Variants in PPP2R2A observed in about 807,000 individuals in gnomAD.
The protein encoded by PPP2R2A is serine/threonine-protein phosphatase 2A 55 kDa regulatory subunit B alpha isoform.
A neutral mutation model predicts 53.2 loss-of-function variants in PPP2R2A; 9 were observed. The observed-to-expected ratio is 0.17, with a 90% confidence interval of 0.10 to 0.30. The LOEUF is 0.30. Among genes scored for constraint, PPP2R2A ranks in the 10% least tolerant of loss-of-function variants. The pLI is 1.00. For synonymous variants in PPP2R2A, 169 were observed against 174.2 expected (o/e 0.97, Z 0.23); for missense variants, 235 against 534.6 (o/e 0.44, Z 5.53).
At chr8:26,337,239 A>G (rs1374011582) in intron 2 of PPP2R2A, among the ~76,000 whole-genome samples, 1 of 152,158 alleles carries the variant, frequency 6.6e-6, no homozygotes, top group Non-Finnish European at 1.5e-5. Context: ...TAACTAGTTC[A>G]TTTGATGGTT....
intron 3 of PPP2R2A, among the ~76,000 whole-genome samples, chr8:26,353,927 T>C (rs1804643427): frequency 6.6e-6 from 1 of 152,138 alleles, no homozygotes; most frequent in Non-Finnish European, 1.5e-5. Context: ...AGGGGTCAAA[T>C]GGTATCCCTT....
chr8:26,295,449 A>C (rs957402523), intron 2 of PPP2R2A, among the ~76,000 whole-genome samples: 5 of 152,366 alleles, frequency 3.3e-5, no homozygotes, highest in African/African-American at 1.2e-4. Flanking sequence ...AAGCAAAGAA[A>C]GCAACTTATA....
At chr8:26,349,171 T>A (rs545358229) in intron 3 of PPP2R2A, among the ~76,000 whole-genome samples, 1 of 152,330 alleles carries the variant, frequency 6.6e-6, no homozygotes, top group African/African-American at 2.4e-5. Flanking sequence ...ATGGTCATTA[T>A]CACATTTTTA....
chr8:26,335,400 G>C (rs1415422861), intron 2 of PPP2R2A, among the ~76,000 whole-genome samples: 1 of 152,144 alleles, frequency 6.6e-6, no homozygotes, highest in South Asian at 2.1e-4. Context: ...ACACCATGAC[G>C]TAGTGATATA....
intron 3 of PPP2R2A, among the ~76,000 whole-genome samples, chr8:26,340,918 G>A (rs1018451611): frequency 1.3e-5 from 2 of 151,894 alleles, no homozygotes; most frequent in African/African-American, 2.4e-5. Context: ...ATCATTTCCC[G>A]TGATTCTTTT....
intron 4 of PPP2R2A, among the ~76,000 whole-genome samples, chr8:26,355,216 A>G (rs955217802): frequency 3.3e-5 from 5 of 152,176 alleles, no homozygotes; most frequent in African/African-American, 9.7e-5. Context: ...CCAGCAATCC[A>G]CATGGCTGGA....
At chr8:26,308,780 C>T (rs986492055) in intron 2 of PPP2R2A, among the ~76,000 whole-genome samples, 2 of 152,172 alleles carry the variant, frequency 1.3e-5, no homozygotes, top group African/African-American at 4.8e-5. Flanking sequence ...ATGTTGAATT[C>T]TTTCCAGGAG....
chr8:26,362,685 C>T lies in PPP2R2A; in HGVS notation c.639C>T (p.Asn213=), dbSNP rs2117411845. ...WHLEITDRSF[N]IVDIKPANME... The stretch of plus-strand genomic sequence containing the variant: ...ATTCCTTAATAAAATGTTATCTAGA[C>T]ATTGTGGATATCAAGCCTGCCAATA... The change falls in exon 7 of 10, where the codon AAC becomes AAT. Residue 213 remains asparagine, a splice_region_variant and synonymous_variant. Transcript: ENST00000380737. The surrounding 1 kb of genome is among the most constrained non-coding windows in gnomAD (Gnocchi z 4.4). 1 of 1,613,350 alleles carries T rather than the reference C, an allele frequency of 6.2e-7. No homozygotes were observed. The highest frequency in any genetic ancestry group is 8.5e-7 in the Non-Finnish European group (1 of 1,179,546).
intron 3 of PPP2R2A, chr8:26,350,645 A>T (rs1009632526): frequency 6.6e-6 from 1 of 151,688 alleles, no homozygotes; most frequent in Admixed American, 6.6e-5. Flanking sequence ...ACCTCAAGCA[A>T]TCCTCTGTCT....
chr8:26,308,211 CTTGATG>C (rs1382962401), intron 2 of PPP2R2A, among the ~76,000 whole-genome samples: 1 of 152,214 alleles, frequency 6.6e-6, no homozygotes, highest in Non-Finnish European at 1.5e-5. Flanking sequence ...AGGATCTTAT[CTTGATG>C]TTGATGGCTG....
Position 26,291,751 on chromosome 8 carries a change from G to C in PPP2R2A, c.-69G>C. 3 of 1,402,984 alleles carry C rather than the reference G, an allele frequency of 2.1e-6. No homozygotes were observed. The highest frequency in any genetic ancestry group is 2.0e-5 in the Admixed American group (1 of 49,358). The allele number at this position is 1,402,984 out of a possible 1,614,324, so 86.9% of individuals were successfully genotyped here. On this transcript the variant is annotated 5_prime_UTR_variant, in exon 1 of 10. Transcript: ENST00000380737. ...CGCCCTCTCTACCCCCCCATCCCCA[G>C]GTGAGGGGGGTGAGTTCAGGAAGCG...
chr8:26,334,708 G>A (rs1396109217), intron 2 of PPP2R2A, among the ~76,000 whole-genome samples: 1 of 151,900 alleles, frequency 6.6e-6, no homozygotes, highest in Non-Finnish European at 1.5e-5. Flanking sequence ...TCGCGCCACT[G>A]CACTCCAGCC....
chr8:26,307,839 G>T (rs1026469874), intron 2 of PPP2R2A, among the ~76,000 whole-genome samples: 1 of 152,180 alleles, frequency 6.6e-6, no homozygotes, highest in Admixed American at 6.5e-5. Flanking sequence ...AAAGTAACTT[G>T]CTCAAAGTCA....
chr8:26,293,328 AAG>A (rs1563277467), intron 1 of PPP2R2A: 1 of 1,449,522 alleles, frequency 6.9e-7, no homozygotes, highest in Admixed American at 2.0e-5. Context: ...TTGTACACTT[AAG>A]AAAACTCTTT....
At chr8:26,314,220 A>G (rs920825737) in intron 2 of PPP2R2A, among the ~76,000 whole-genome samples, 1 of 152,124 alleles carries the variant, frequency 6.6e-6, no homozygotes, top group African/African-American at 2.4e-5. Context: ...ATCATCTTCA[A>G]ATCCTCTGCA....
At chr8:26,326,547 T>G (rs1056274402) in intron 2 of PPP2R2A, among the ~76,000 whole-genome samples, 1 of 152,236 alleles carries the variant, frequency 6.6e-6, no homozygotes, top group African/African-American at 2.4e-5. Flanking sequence ...AAGTGCTTTC[T>G]GATTCTTATA....
intron 2 of PPP2R2A, chr8:26,293,998 A>G (rs1048161587): frequency 4.4e-5 from 19 of 430,512 alleles, no homozygotes; most frequent in Non-Finnish European, 4.6e-5. Context: ...AGATCCTCAC[A>G]TGAAAGCTCT....
At chr8:26,315,878 A>G (rs796587726) in intron 2 of PPP2R2A, among the ~76,000 whole-genome samples, 16 of 152,342 alleles carry the variant, frequency 1.1e-4, no homozygotes, top group African/African-American at 3.8e-4. Context: ...AAGTGTATCA[A>G]AATGTTTATA....
chr8:26,367,502 G>A (rs1805438982), intron 9 of PPP2R2A, among the ~76,000 whole-genome samples: 2 of 152,188 alleles, frequency 1.3e-5, no homozygotes, highest in South Asian at 2.1e-4. Context: ...GAGAAAATTT[G>A]TTAGAATAAC....
Sources: allele counts gnomAD v4.1 joint callset (sites outside exome capture counted in the v4.1 genomes callset), GRCh38; gene constraint gnomAD v4.1.1; non-coding constraint Gnocchi (gnomAD v3.1); transcripts MANE v1.5; gene names NCBI Gene and HGNC (gene_info 2026-07-23, HGNC 2026-07-21).